Variants in SNX3 observed in about 807,000 individuals in gnomAD.
The protein encoded by SNX3 is sorting nexin 3.
Under a neutral mutation model 17.7 loss-of-function variants are expected in SNX3, and 5 were observed. The ratio of observed to expected loss-of-function variants is 0.28; its 90% confidence interval spans 0.15 to 0.59. The LOEUF (loss-of-function observed/expected upper bound fraction) is 0.59. SNX3 is among the 20% of genes least tolerant of loss of function. The pLI, the probability that SNX3 is intolerant of heterozygous loss-of-function variation, is 0.88. For synonymous variants in SNX3, 91 were observed against 76.5 expected, an observed-to-expected ratio of 1.19 and a Z score of -0.99; for missense variants, 132 against 206.8, an observed-to-expected ratio of 0.64 and a Z score of 2.22.
chr6:108,259,520 C>T lies in SNX3; in HGVS notation c.162+1240G>A, dbSNP rs566451766. On this transcript the variant is annotated intron_variant, in intron 1 of 3. Coordinates refer to ENST00000230085, the MANE Select transcript of SNX3 (RefSeq NM_003795.6). The stretch of plus-strand genomic sequence containing the variant: ...GTGCTGGGATTACAGGCATGAGCCA[C>T]CGCGCCCGGCCTATGATCCACATTT... 4.7e-4 allele frequency among the ~76,000 whole-genome samples: 71 copies of T among 152,354 alleles called. No individual in the cohort carries two copies. In the South Asian group the frequency reaches 5.2e-3, roughly 11 times the overall value.
chr6:108,253,756 A>G (rs1310883575), intron 1 of SNX3, among the ~76,000 whole-genome samples: 1 of 152,008 alleles, frequency 6.6e-6, no homozygotes, highest in Non-Finnish European at 1.5e-5. Context: ...TATCTATCTC[A>G]GTGAGACAGA....
At chr6:108,249,232 AATG>A (rs1237674065) in intron 1 of SNX3, among the ~76,000 whole-genome samples, 5 of 152,088 alleles carry the variant, frequency 3.3e-5, no homozygotes, top group African/African-American at 1.2e-4. Flanking sequence ...CAAATCATTA[AATG>A]ATGATACTGT....
At chr6:108,259,115 T>C (rs747628833) in intron 1 of SNX3, among the ~76,000 whole-genome samples, 1 of 152,232 alleles carries the variant, frequency 6.6e-6, no homozygotes, top group Non-Finnish European at 1.5e-5. Flanking sequence ...TGTCATGTAT[T>C]ACAGACAATT....
chr6:108,236,364 ATAT>A (rs1232917759), intron 1 of SNX3, among the ~76,000 whole-genome samples: 72 of 127,190 alleles, frequency 5.7e-4, no homozygotes, highest in East Asian at 4.6e-3. Context: ...GTTTCCACCT[ATAT>A]TATTATTATT....
At chr6:108,219,516 G>T (rs1194089890) in intron 2 of SNX3, among the ~76,000 whole-genome samples, 1 of 152,186 alleles carries the variant, frequency 6.6e-6, no homozygotes. Context: ...GCTGAGGCAG[G>T]AAAATCACTT....
chr6:108,230,678 T>C (rs902153887), intron 1 of SNX3, among the ~76,000 whole-genome samples: 1 of 152,216 alleles, frequency 6.6e-6, no homozygotes, highest in Non-Finnish European at 1.5e-5. Context: ...CGTTTCATCA[T>C]AAATCTGAAG....
At chr6:108,213,107 T>C (rs1349083641) in intron 3 of SNX3, among the ~76,000 whole-genome samples, 1 of 151,540 alleles carries the variant, frequency 6.6e-6, no homozygotes, top group African/African-American at 2.4e-5. Context: ...AGGCTGGCCT[T>C]GGAACTCCTG....
intron 1 of SNX3, among the ~76,000 whole-genome samples, chr6:108,252,717 G>A (rs991133594): frequency 4.6e-5 from 7 of 151,510 alleles, no homozygotes; most frequent in African/African-American, 1.7e-4. Context: ...GCCACCCACC[G>A]CAACCTCTGC....
chr6:108,246,695 T>C (rs547518812), intron 1 of SNX3, among the ~76,000 whole-genome samples: 1 of 152,150 alleles, frequency 6.6e-6, no homozygotes, highest in Admixed American at 6.5e-5. Context: ...AAATTCAGTA[T>C]AGAATAGAAT....
chr6:108,220,205 C>T (rs887980719), intron 2 of SNX3, among the ~76,000 whole-genome samples: 5 of 151,806 alleles, frequency 3.3e-5, no homozygotes, highest in Admixed American at 6.6e-5. Flanking sequence ...TTTCAATGTA[C>T]AGTGTTTATA....
chr6:108,239,462 AG>A (rs1775453080), intron 1 of SNX3, among the ~76,000 whole-genome samples: 3 of 152,214 alleles, frequency 2.0e-5, no homozygotes, highest in Non-Finnish European at 2.9e-5. Flanking sequence ...GTCTCTTAAA[AG>A]AAAAAGAAAG....
chr6:108,250,751 C>T (rs983513588), intron 1 of SNX3, among the ~76,000 whole-genome samples: 5 of 152,098 alleles, frequency 3.3e-5, no homozygotes, highest in Non-Finnish European at 5.9e-5. Context: ...CTAGAAAAAA[C>T]GGAAAGCAAA....
intron 1 of SNX3, among the ~76,000 whole-genome samples, chr6:108,236,070 A>G (rs574161371): frequency 1.7e-4 from 26 of 152,310 alleles, no homozygotes; most frequent in African/African-American, 6.0e-4. Flanking sequence ...TAGAAATCTG[A>G]TAAAATCAGC....
intron 1 of SNX3, among the ~76,000 whole-genome samples, chr6:108,246,260 G>C (rs1775685268): frequency 6.7e-6 from 1 of 149,036 alleles, no homozygotes; most frequent in African/African-American, 2.5e-5. Context: ...TAGACGTGTG[G>C]TGTTATTTCT....
At chr6:108,214,385 GAA>G (rs906933110) in intron 3 of SNX3, 111 bp downstream of exon 3, 1 of 1,003,242 alleles carries the variant, frequency 1.0e-6, no homozygotes, top group Non-Finnish European at 1.5e-6. Flanking sequence ...TAAATGATAT[GAA>G]AAGTTAGGAA....
chr6:108,224,723 T>C (rs1774923720), intron 1 of SNX3, among the ~76,000 whole-genome samples: 1 of 152,222 alleles, frequency 6.6e-6, no homozygotes, highest in African/African-American at 2.4e-5. Flanking sequence ...CTGCATACAG[T>C]GTCTATGGGT....
rs201358044 is a variant in SNX3 at position 108,231,996 on chromosome 6, A to C, written c.163-8951T>G. On this transcript the variant is annotated intron_variant, in intron 1 of 3. Coordinates refer to ENST00000230085, the MANE Select transcript of SNX3 (RefSeq NM_003795.6). ...TACTCTTCTGGAGAAATTCGGGGTA[A>C]TGCTCAAGCTGCTGGGTATCTTGCT... 2.0e-5 allele frequency among the ~76,000 whole-genome samples: 3 copies of C among 152,336 alleles called. No homozygotes were observed. In the East Asian group the frequency reaches 5.8e-4, roughly 29 times the overall value.
chr6:108,236,447 G>A (rs1316250669), intron 1 of SNX3, among the ~76,000 whole-genome samples: 7 of 148,332 alleles, frequency 4.7e-5, no homozygotes, highest in African/African-American at 1.5e-4. Context: ...GCAGTGGCGG[G>A]ATCTCGGCTC....
At chr6:108,232,397 G>A (rs1451028141) in intron 1 of SNX3, among the ~76,000 whole-genome samples, 1 of 152,102 alleles carries the variant, frequency 6.6e-6, no homozygotes, top group East Asian at 1.9e-4. Flanking sequence ...CTCCCTTCAA[G>A]TCTAAGCACA....
Sources: gnomAD v4.1 joint callset for allele counts (sites outside exome capture counted in the v4.1 genomes callset) on GRCh38, gnomAD v4.1.1 for gene constraint, MANE v1.5 for transcripts, NCBI Gene and HGNC (gene_info 2026-07-23, HGNC 2026-07-21) for gene names.